The following WIPF3 variants were observed in gnomAD, a reference collection of about 807,000 sequenced individuals.
WIPF3 encodes the protein WAS/WASL interacting protein family member 3.
A neutral mutation model predicts 38.9 loss-of-function variants in WIPF3; 33 were observed. The ratio of observed to expected loss-of-function variants is 0.85; its 90% CI spans 0.64 to 1.14. WIPF3 has a LOEUF of 1.14. WIPF3 is among the 50% of genes most tolerant of loss of function. The pLI, the probability that WIPF3 is intolerant of heterozygous loss-of-function variation, is 0.00. For synonymous variants in WIPF3, 324 were observed against 269.3 expected, an observed-to-expected ratio of 1.20 and a Z score of -1.99; for missense variants, 711 against 652.5, an observed-to-expected ratio of 1.09 and a Z score of -0.98.
At chr7:29,910,380 C>CT (rs1470313452) in intron 8 of WIPF3, among the ~76,000 whole-genome samples, 1 of 152,142 alleles carries the variant, frequency 6.6e-6, no homozygotes, top group Non-Finnish European at 1.5e-5. Context: ...CCTCTAAAAG[C>CT]TTTCCAAAAA....
At chr7:29,855,202 T>C (rs1295590333) in intron 2 of WIPF3, among the ~76,000 whole-genome samples, 1 of 152,216 alleles carries the variant, frequency 6.6e-6, no homozygotes, top group African/African-American at 2.4e-5. Context: ...GGACAGAATC[T>C]GCACCTTGTA....
intron 2 of WIPF3, among the ~76,000 whole-genome samples, chr7:29,861,818 A>T (rs1369691836): frequency 6.6e-6 from 1 of 152,200 alleles, no homozygotes; most frequent in Non-Finnish European, 1.5e-5. Context: ...CTAGGGACAG[A>T]CTTATAAGCT....
At chr7:29,809,485 A>G (rs1005863111) in intron 1 of WIPF3, among the ~76,000 whole-genome samples, 7 of 152,248 alleles carry the variant, frequency 4.6e-5, no homozygotes, top group Non-Finnish European at 1.0e-4. Flanking sequence ...TGCCGACAGC[A>G]TGACAAAACA....
chr7:29,883,696 G>A (rs1785770168), intron 4 of WIPF3, among the ~76,000 whole-genome samples, 154 bp from the exon 5 acceptor site: 1 of 152,194 alleles, frequency 6.6e-6, no homozygotes, highest in Admixed American at 6.5e-5. Flanking sequence ...GGTGACAGCT[G>A]TGGCACCTGA....
At chr7:29,816,551 A>G (rs1270320344) in intron 1 of WIPF3, among the ~76,000 whole-genome samples, 1 of 151,626 alleles carries the variant, frequency 6.6e-6, no homozygotes, top group Non-Finnish European at 1.5e-5. Flanking sequence ...CTGGTCTTGA[A>G]TGTTAGGCCT....
At chr7:29,887,930 G>A in intron 5 of WIPF3, 138 bp from the exon 6 acceptor site, 1 of 1,018,512 alleles carries the variant, frequency 9.8e-7, no homozygotes, top group Non-Finnish European at 1.4e-6. Context: ...GTGCCAAGCA[G>A]GTTGACTCCA....
At chr7:29,815,577 A>T (rs1468627122) in intron 1 of WIPF3, among the ~76,000 whole-genome samples, 1 of 152,156 alleles carries the variant, frequency 6.6e-6, no homozygotes, top group Non-Finnish European at 1.5e-5. Context: ...GGATCTAGGG[A>T]GGCAGTATTT....
In WIPF3 at chr7:29,824,500, G is replaced by A. The variant is rs898802661; in HGVS notation, c.-57-10168G>A. Among the ~76,000 whole-genome samples the A allele has an allele frequency of 2.0e-5, 3 of 151,522 alleles. No individual in the cohort carries two copies. In the East Asian group the frequency reaches 5.8e-4, roughly 29 times the overall value. On this transcript the variant is annotated intron_variant, in intron 1 of 8. Transcript: ENST00000242140. ...TAACAGGTATTTTCCAGATGGTGAA[G>A]GCCCTGACCTGCAGCCTGAATACCA...
chr7:29,904,480 C>A, intron 8 of WIPF3, 118 bp downstream of exon 8: 1 of 1,020,406 alleles, frequency 9.8e-7, no homozygotes, highest in Non-Finnish European at 1.5e-6. Context: ...ACTCCTTTTC[C>A]TCAGGGAAAG....
chr7:29,892,711 T>C (rs1259343621), intron 7 of WIPF3, among the ~76,000 whole-genome samples: 1 of 152,212 alleles, frequency 6.6e-6, no homozygotes, highest in African/African-American at 2.4e-5. Context: ...TGGTGAACTC[T>C]GAGAACGGAC....
intron 7 of WIPF3, among the ~76,000 whole-genome samples, chr7:29,890,265 T>C (rs986300138): frequency 1.3e-5 from 2 of 151,774 alleles, no homozygotes; most frequent in African/African-American, 2.4e-5. Flanking sequence ...GGTGGGAGGA[T>C]TGCTTGAGCC....
rs138198167 is a variant in WIPF3, at chr7:29,871,574, G to A, written c.91-4256G>A. Among the ~76,000 whole-genome samples the A allele has an allele frequency of 8.6e-4, 131 of 152,320 alleles. 2 individuals are homozygous for A. The South Asian group carries it at 0.011, about 12-fold the overall frequency. The stretch of plus-strand genomic sequence containing the variant: ...TTTCACAATTACGAGTATTGGAAAG[G>A]TGAGGATGGCATATGGTGACAGGGT... On this transcript the variant is annotated intron_variant, in intron 2 of 8. Coordinates refer to ENST00000242140, the MANE Select transcript of WIPF3 (RefSeq NM_001080529.3).
chr7:29,900,418 A>G (rs2269981), intron 7 of WIPF3, among the ~76,000 whole-genome samples: 72,253 of 152,000 alleles, frequency 0.48, 18,784 homozygotes, highest in East Asian at 0.78. Context: ...CTCTGGCCCA[A>G]GCACCTGTGG....
chr7:29,872,080 T>C (rs576150513), intron 2 of WIPF3, among the ~76,000 whole-genome samples: 6 of 152,186 alleles, frequency 3.9e-5, no homozygotes, highest in Non-Finnish European at 7.3e-5. Flanking sequence ...TGTCTGTGTG[T>C]TTTTAGTTTT....
rs187705776 is a variant in WIPF3 at position 29,844,466 on chromosome 7, A to C, written c.90+9652A>C. Among the ~76,000 whole-genome samples, 4 of 152,344 alleles carry C rather than the reference A, an allele frequency of 2.6e-5. No homozygotes were observed. Among genetic ancestry groups the C allele is most frequent in the Admixed American group, 2.6e-4 (4 of 15,308 alleles). On this transcript the variant is annotated intron_variant, in intron 2 of 8. Transcript: ENST00000242140. The surrounding 1 kb of genome is among the most constrained non-coding windows in gnomAD (Gnocchi z 4.8). ...TCTAAATATTTACAACAATCCAATG[A>C]GGTAGGGACCGGTAGTGCCATTTTA... is the stretch of plus-strand genomic sequence containing the variant.
intron 1 of WIPF3, among the ~76,000 whole-genome samples, chr7:29,820,648 A>G (rs576769178): frequency 1.1e-4 from 17 of 152,204 alleles, no homozygotes; most frequent in Admixed American, 8.5e-4. Context: ...CTGAATATCC[A>G]CTTCTTCCCA....
At chr7:29,855,459 A>G (rs906879669) in intron 2 of WIPF3, among the ~76,000 whole-genome samples, 6 of 152,232 alleles carry the variant, frequency 3.9e-5, no homozygotes, top group African/African-American at 9.6e-5. Context: ...AGAAGCTTAT[A>G]TGGAGAATTG....
In WIPF3 at chr7:29,892,721, C is replaced by T. The variant is rs541494298; in HGVS notation, c.1351+3314C>T. 3.9e-5 allele frequency among the ~76,000 whole-genome samples: 6 copies of T among 152,240 alleles called. No homozygotes were observed. In the South Asian group the frequency reaches 6.2e-4, roughly 16 times the overall value. ...GGCCGTGGTGAACTCTGAGAACGGA[C>T]GTGATGAGATGCAGGTTGAGACAGA... is the stretch of plus-strand genomic sequence containing the variant. On this transcript the variant is annotated intron_variant, in intron 7 of 8. Transcript: ENST00000242140.
chr7:29,868,543 CAT>C (rs1785432683), intron 2 of WIPF3, among the ~76,000 whole-genome samples: 1 of 151,108 alleles, frequency 6.6e-6, no homozygotes, highest in East Asian at 1.9e-4. Flanking sequence ...TATACACACA[CAT>C]ACACAAATAT....
Sources: gnomAD v4.1 joint callset for allele counts (sites outside exome capture counted in the v4.1 genomes callset) on GRCh38, gnomAD v4.1.1 for gene constraint, Gnocchi (gnomAD v3.1) non-coding constraint, MANE v1.5 for transcripts, NCBI Gene and HGNC (gene_info 2026-07-23, HGNC 2026-07-21) for gene names.